The following MGST2 variants were observed in gnomAD, a reference collection of about 807,000 sequenced individuals.
MGST2 encodes the protein microsomal glutathione S-transferase 2.
Under a neutral mutation model 16.6 loss-of-function variants are expected in MGST2, and 9 were observed. The observed-to-expected ratio is 0.54, with a 90% CI of 0.33 to 0.95. The LOEUF (loss-of-function observed/expected upper bound fraction) is 0.95, where lower values mean the gene tolerates loss of function less well. Ranked by LOEUF, MGST2 falls within the 40% of genes least tolerant of loss-of-function variation. The probability of loss-of-function intolerance (pLI) is 0.03; values close to 1 mark genes in which losing one functional copy is unlikely to be tolerated. For missense variants in MGST2, 159 were observed against 175.1 expected (o/e 0.91, Z 0.52); for synonymous variants, 79 against 68.0 (o/e 1.16, Z -0.79).
the MGST2 span, among the ~76,000 whole-genome samples, chr4:139,749,965 G>A: frequency 6.7e-6 from 1 of 148,610 alleles, no homozygotes; most frequent in Non-Finnish European, 1.5e-5. Context: ...AGATGGCAAG[G>A]AACAGCTATC....
intron 2 of MGST2, among the ~76,000 whole-genome samples, chr4:139,681,822 T>A (rs1337534526): frequency 2.0e-5 from 3 of 152,106 alleles, no homozygotes. Flanking sequence ...CATGAACAAA[T>A]CCCACAAAAA....
the MGST2 span, among the ~76,000 whole-genome samples, chr4:139,750,853 G>A: frequency 6.6e-6 from 1 of 152,158 alleles, no homozygotes; most frequent in Admixed American, 6.5e-5. Flanking sequence ...AAACTGAAGT[G>A]GGAGGAAGTT....
chr4:139,730,677 CAA>C (rs1447122335), intron 5 of MGST2: 17 of 1,608,388 alleles, frequency 1.1e-5, no homozygotes, highest in Non-Finnish European at 1.2e-5. Context: ...CCTGGGAAGA[CAA>C]GAGAGAGGGA....
intron 2 of MGST2, among the ~76,000 whole-genome samples, chr4:139,682,283 G>T (rs1731288673): frequency 6.6e-6 from 1 of 151,954 alleles, no homozygotes; most frequent in Non-Finnish European, 1.5e-5. Context: ...AGCGTTGTAA[G>T]AGGGTATGGG....
At chr4:139,725,924 G>A in intron 5 of MGST2, 1 of 1,083,760 alleles carries the variant, frequency 9.2e-7, no homozygotes, top group Non-Finnish European at 1.4e-6. Context: ...GGAAGGTAGT[G>A]TTTTCCCCAA....
chr4:139,714,544 G>A (rs187849495), intron 5 of MGST2, among the ~76,000 whole-genome samples: 129 of 152,226 alleles, frequency 8.5e-4, no homozygotes, highest in Non-Finnish European at 1.6e-3. Flanking sequence ...AGCAAAATAC[G>A]CGTAATAAAA....
chr4:139,733,389 C>G (rs1560774641), intron 5 of MGST2, among the ~76,000 whole-genome samples: 1 of 152,006 alleles, frequency 6.6e-6, no homozygotes, highest in Non-Finnish European at 1.5e-5. Context: ...CCTGTGTGAC[C>G]AGCCCGCACA....
downstream of MGST2, among the ~76,000 whole-genome samples, chr4:139,706,907 T>TA (rs1727540137): frequency 6.6e-6 from 1 of 152,254 alleles, no homozygotes; most frequent in Non-Finnish European, 1.5e-5. Context: ...GTTTGACAAT[T>TA]ACATGTACAT....
chr4:139,754,235 A>G, the MGST2 span, among the ~76,000 whole-genome samples: 1 of 152,242 alleles, frequency 6.6e-6, no homozygotes, highest in Non-Finnish European at 1.5e-5. Flanking sequence ...AATGTAAAAA[A>G]TCACTAATTT....
intron 3 of MGST2, among the ~76,000 whole-genome samples, chr4:139,695,954 T>G (rs1726897636): frequency 1.3e-5 from 2 of 152,240 alleles, no homozygotes; most frequent in African/African-American, 4.8e-5. Flanking sequence ...GATATCCTAT[T>G]GGTCTGGAAG....
chr4:139,741,740 C>T (rs566145231), downstream of MGST2, among the ~76,000 whole-genome samples: 12 of 152,290 alleles, frequency 7.9e-5, no homozygotes, highest in South Asian at 2.1e-3. Context: ...GAGTGAGACC[C>T]TGTCTCAAAA....
intron 1 of MGST2, among the ~76,000 whole-genome samples, chr4:139,677,504 AT>A (rs56082407): frequency 0.024 from 3,506 of 144,928 alleles, 117 homozygotes; most frequent in African/African-American, 0.08. Context: ...GTGAATCTGC[AT>A]TTTTTTTTTT....
At chr4:139,727,371 C>T (rs1191512619) in intron 5 of MGST2, among the ~76,000 whole-genome samples, 1 of 152,206 alleles carries the variant, frequency 6.6e-6, no homozygotes, top group Non-Finnish European at 1.5e-5. Context: ...CATTTAACAG[C>T]TTCTCCTCAG....
At chr4:139,753,962 G>C in the MGST2 span, among the ~76,000 whole-genome samples, 1 of 152,152 alleles carries the variant, frequency 6.6e-6, no homozygotes, top group Non-Finnish European at 1.5e-5. Flanking sequence ...GGAGGGAGGG[G>C]TAAGAGTTAA....
At chr4:139,728,906 A>G (rs879452124) in intron 5 of MGST2, among the ~76,000 whole-genome samples, 7 of 152,144 alleles carry the variant, frequency 4.6e-5, no homozygotes, top group Non-Finnish European at 1.0e-4. Flanking sequence ...CACAGCACAC[A>G]TATCAAAAGC....
At chr4:139,716,858 A>G (rs1478497568) in intron 5 of MGST2, 1 of 152,676 alleles carries the variant, frequency 6.5e-6, no homozygotes, top group Non-Finnish European at 1.5e-5. Context: ...TTAAAAGGAA[A>G]TAAGCAATGC....
At chr4:139,718,976 A>G in intron 5 of MGST2, 1 of 235,716 alleles carries the variant, frequency 4.2e-6, no homozygotes, top group Non-Finnish European at 8.3e-6. Flanking sequence ...CTTGGGTAAT[A>G]GTCCCTCTCG....
Position 139,702,844 on chromosome 4 carries a change from G to GTTTTTTTTTT in MGST2, c.230-594_230-585dup, listed in dbSNP as rs70943436. On this transcript the variant is annotated intron_variant, in intron 3 of 4. Transcript: ENST00000265498. ...TCCTCACCAACATTTTGTGTTACTGGTTTTTTTTTTTTTTTTTTTTTTTTT... is the reference window on the plus strand; with the variant it reads ...TCCTCACCAACATTTTGTGTTACTGGTTTTTTTTTTTTTTTTTTTTTTTTTTTTTTTTTTT... Among the ~76,000 whole-genome samples the GTTTTTTTTTT allele has an allele frequency of 2.0e-3, 92 of 46,444 alleles. 6 individuals carry two copies. Among genetic ancestry groups the GTTTTTTTTTT allele is most frequent in the African/African-American group, 3.5e-3 (57 of 16,082 alleles). The allele number at this position is 46,444 out of a possible 152,430, so 30.5% of individuals were successfully genotyped here.
intron 3 of MGST2, among the ~76,000 whole-genome samples, chr4:139,700,708 T>TAGCG (rs1727203776): frequency 6.6e-6 from 1 of 152,210 alleles, no homozygotes; most frequent in Non-Finnish European, 1.5e-5. Flanking sequence ...CGTTTGTATG[T>TAGCG]AGCGACTCTA....
Sources: allele counts gnomAD v4.1 joint callset (sites outside exome capture counted in the v4.1 genomes callset), GRCh38; gene constraint gnomAD v4.1.1; transcripts MANE v1.5; gene names NCBI Gene and HGNC (gene_info 2026-07-23, HGNC 2026-07-21).